Variants in PAM observed in about 807,000 individuals in gnomAD.
The protein encoded by PAM is peptidyl-glycine alpha-amidating monooxygenase.
A neutral mutation model predicts 122.1 loss-of-function variants in PAM; 72 were observed. The observed-to-expected ratio is 0.59, with a 90% CI of 0.49 to 0.72. PAM has a LOEUF of 0.72. Ranked by LOEUF, PAM falls within the 30% of genes least tolerant of loss-of-function variation. The pLI, the probability that PAM is intolerant of heterozygous loss-of-function variation, is 0.00. For missense variants in PAM, 1,106 were observed against 1,183.7 expected, an observed-to-expected ratio of 0.93 and a Z score of 0.96; for synonymous variants, 389 against 404.4, an observed-to-expected ratio of 0.96 and a Z score of 0.46.
At chr5:102,766,645 A>G (rs1459701598) in intron 1 of PAM, among the ~76,000 whole-genome samples, 1 of 152,224 alleles carries the variant, frequency 6.6e-6, no homozygotes, top group Non-Finnish European at 1.5e-5. Context: ...ATAAGGAAAA[A>G]TAAATGAAAT....
At chr5:103,021,174 C>T (rs1020907774) in intron 23 of PAM, among the ~76,000 whole-genome samples, 9 of 152,082 alleles carry the variant, frequency 5.9e-5, no homozygotes, top group Non-Finnish European at 1.3e-4. Context: ...GATCAGAATT[C>T]CTACTAAGAT....
At chr5:102,905,840 G>A (rs1799373974) in intron 4 of PAM, among the ~76,000 whole-genome samples, 2 of 151,656 alleles carry the variant, frequency 1.3e-5, no homozygotes, top group African/African-American at 4.8e-5. Flanking sequence ...ATAATGAGTA[G>A]TCTCTGTCTC....
At chr5:102,830,305 G>A (rs1350900281) in intron 1 of PAM, among the ~76,000 whole-genome samples, 2 of 152,080 alleles carry the variant, frequency 1.3e-5, no homozygotes, top group Non-Finnish European at 2.9e-5. Context: ...AAGGTGGATG[G>A]TTTCTACCTG....
At chr5:102,792,914 C>T (rs1053736082) in intron 1 of PAM, among the ~76,000 whole-genome samples, 33 of 152,090 alleles carry the variant, frequency 2.2e-4, no homozygotes, top group Non-Finnish European at 1.2e-4. Context: ...TACAGTAGCA[C>T]GTAAGTTCAG....
At chr5:103,005,368 G>A (rs1778648559) in intron 18 of PAM, 142 bp downstream of exon 18, 1 of 637,854 alleles carries the variant, frequency 1.6e-6, no homozygotes, top group Non-Finnish European at 2.8e-6. Context: ...GAGCAGCCAT[G>A]TCTTAGTTCA....
intron 1 of PAM, among the ~76,000 whole-genome samples, chr5:102,817,228 G>T (rs1770174784): frequency 6.6e-6 from 1 of 151,984 alleles, no homozygotes; most frequent in East Asian, 1.9e-4. Context: ...ATCCCTTGTA[G>T]TTGAACATTA....
At chr5:102,787,476 G>A (rs1760844033) in intron 1 of PAM, among the ~76,000 whole-genome samples, 1 of 151,736 alleles carries the variant, frequency 6.6e-6, no homozygotes. Context: ...CAGCTAAAAT[G>A]TGAATGTAAA....
At chr5:102,771,091 G>A (rs1428264752) in intron 1 of PAM, among the ~76,000 whole-genome samples, 1 of 152,052 alleles carries the variant, frequency 6.6e-6, no homozygotes, top group Non-Finnish European at 1.5e-5. Context: ...CGGCTATGTA[G>A]AGAAAACAAA....
intron 1 of PAM, among the ~76,000 whole-genome samples, chr5:102,849,803 T>TCAA (rs1780923339): frequency 6.6e-6 from 1 of 152,094 alleles, no homozygotes; most frequent in Non-Finnish European, 1.5e-5. Context: ...AATTAGAATA[T>TCAA]CAACATATTC....
At chr5:102,817,069 T>C (rs1390732024) in intron 1 of PAM, among the ~76,000 whole-genome samples, 4 of 152,136 alleles carry the variant, frequency 2.6e-5, no homozygotes, top group Non-Finnish European at 5.9e-5. Flanking sequence ...GCATGTTTAT[T>C]TCTCACTCTC....
chr5:102,835,039 A>T (rs574323457), intron 1 of PAM, among the ~76,000 whole-genome samples: 1 of 152,130 alleles, frequency 6.6e-6, no homozygotes, highest in Non-Finnish European at 1.5e-5. Context: ...TTGTGGTTCA[A>T]ATCTTACATG....
intron 3 of PAM, chr5:102,873,597 T>C (rs1321474667): frequency 1.3e-5 from 2 of 152,262 alleles, no homozygotes; most frequent in Admixed American, 6.5e-5. Flanking sequence ...TACAGCAGAA[T>C]AGACATAGCA....
At chr5:102,949,852 T>C in intron 10 of PAM, 50 bp from the exon 11 acceptor site, 2 of 1,022,696 alleles carry the variant, frequency 2.0e-6, no homozygotes, top group Non-Finnish European at 3.0e-6. Context: ...TGCCTTTTGT[T>C]TTTCTAATAC....
intron 3 of PAM, among the ~76,000 whole-genome samples, chr5:102,880,397 A>C (rs1561738949): frequency 6.6e-6 from 1 of 152,216 alleles, no homozygotes. Context: ...TTCCCAATAC[A>C]TAGAGAATAT....
At chr5:102,805,305 T>C (rs775016356) in intron 1 of PAM, among the ~76,000 whole-genome samples, 1 of 152,060 alleles carries the variant, frequency 6.6e-6, no homozygotes, top group Non-Finnish European at 1.5e-5. Flanking sequence ...CCTGACCTCA[T>C]GATCTGCTCG....
At chr5:102,876,329 C>T (rs974181012) in intron 3 of PAM, among the ~76,000 whole-genome samples, 1 of 152,170 alleles carries the variant, frequency 6.6e-6, no homozygotes, top group Admixed American at 6.5e-5. Context: ...ACCTTGTACC[C>T]GTGTACCCCT....
At chr5:102,892,782 C>G (rs183961778) in intron 3 of PAM, among the ~76,000 whole-genome samples, 25 of 151,898 alleles carry the variant, frequency 1.6e-4, no homozygotes, top group African/African-American at 5.5e-4. Flanking sequence ...TACATACTGT[C>G]TTTAACAGGA....
At chr5:102,857,648 G>A (rs1581008489) in intron 1 of PAM, among the ~76,000 whole-genome samples, 1 of 152,168 alleles carries the variant, frequency 6.6e-6, no homozygotes, top group South Asian at 2.1e-4. Flanking sequence ...TTTATGTCCT[G>A]GCTGGGTACC....
intron 11 of PAM, among the ~76,000 whole-genome samples, chr5:102,950,419 GTGTGTGTGT>G (rs1758457070): frequency 6.7e-6 from 1 of 148,650 alleles, no homozygotes; most frequent in East Asian, 1.9e-4. Context: ...GTGGGTGGGT[GTGTGTGTGT>G]GTGTGTGTGT....
Sources: allele counts gnomAD v4.1 joint callset (sites outside exome capture counted in the v4.1 genomes callset), GRCh38; gene constraint gnomAD v4.1.1; transcripts MANE v1.5; gene names NCBI Gene and HGNC (gene_info 2026-07-23, HGNC 2026-07-21).